FSTL5: variants seen among roughly 807,000 people sequenced by gnomAD.
FSTL5 encodes the protein follistatin like 5.
FSTL5 carries 62 observed loss-of-function variants against 89.1 expected under a neutral mutation model. That is an observed-to-expected ratio of 0.70 (90% CI 0.57 to 0.86). The LOEUF (loss-of-function observed/expected upper bound fraction) is 0.86, where lower values mean the gene tolerates loss of function less well. Among genes scored for constraint, FSTL5 ranks in the 40% least tolerant of loss-of-function variants. The probability of loss-of-function intolerance (pLI) is 0.00; values close to 1 mark genes in which losing one functional copy is unlikely to be tolerated. For missense variants in FSTL5, 1,057 were observed against 1,001.6 expected, an observed-to-expected ratio of 1.06 and a Z score of -0.75; for synonymous variants, 383 against 346.2, an observed-to-expected ratio of 1.11 and a Z score of -1.18.
At chr4:161,577,121 G>A (rs1733239721) in intron 8 of FSTL5, among the ~76,000 whole-genome samples, 2 of 152,072 alleles carry the variant, frequency 1.3e-5, no homozygotes, top group South Asian at 4.1e-4. Context: ...GTGAGTATTT[G>A]CCATGTTTTT....
intron 7 of FSTL5, among the ~76,000 whole-genome samples, chr4:161,640,430 A>G (rs898247054): frequency 6.6e-6 from 1 of 152,176 alleles, no homozygotes; most frequent in Non-Finnish European, 1.5e-5. Context: ...ACGTGAAGAA[A>G]AGCATGTATA....
At chr4:161,530,707 T>C (rs1256463971) in intron 10 of FSTL5, among the ~76,000 whole-genome samples, 1 of 152,114 alleles carries the variant, frequency 6.6e-6, no homozygotes, top group Non-Finnish European at 1.5e-5. Context: ...TCTGATACTC[T>C]CAAACAGCTG....
chr4:161,670,689 T>G (rs917793863), intron 6 of FSTL5, among the ~76,000 whole-genome samples: 1 of 152,208 alleles, frequency 6.6e-6, no homozygotes, highest in African/African-American at 2.4e-5. Context: ...TTACAGTGAG[T>G]GTCCCTTTAG....
intron 3 of FSTL5, among the ~76,000 whole-genome samples, chr4:161,954,031 C>T (rs1266205345): frequency 6.6e-6 from 1 of 151,470 alleles, no homozygotes; most frequent in Non-Finnish European, 1.5e-5. Context: ...ATTCATTATT[C>T]AACAAAGTAT....
intron 8 of FSTL5, among the ~76,000 whole-genome samples, chr4:161,570,301 T>A (rs1732961510): frequency 6.6e-6 from 1 of 152,088 alleles, no homozygotes; most frequent in Admixed American, 6.6e-5. Flanking sequence ...TTGAAAGAGT[T>A]TGAAACTGAG....
chr4:161,864,527 G>A (rs1732015479), intron 4 of FSTL5, among the ~76,000 whole-genome samples: 1 of 152,136 alleles, frequency 6.6e-6, no homozygotes, highest in Non-Finnish European at 1.5e-5. Context: ...CAAGCTAAAT[G>A]TAGTGGGAAA....
chr4:161,682,285 T>C lies in FSTL5; in HGVS notation c.728-25791A>G, dbSNP rs150877153. On this transcript the variant is annotated intron_variant, in intron 6 of 15. Coordinates refer to ENST00000306100, the MANE Select transcript of FSTL5 (RefSeq NM_020116.5). Reference sequence around the variant, plus strand: ...TACCATAGATTTTATAACCGCTGTATACTTAGGTTACACAAAGTTAATTAA... The same window carrying C: ...TACCATAGATTTTATAACCGCTGTACACTTAGGTTACACAAAGTTAATTAA... 5.9e-3 allele frequency among the ~76,000 whole-genome samples: 903 copies of C among 152,280 alleles called. 11 individuals are homozygous for C. The highest frequency in any genetic ancestry group is 0.046 in the South Asian group (224 of 4,824).
chr4:161,659,471 A>T (rs1736634000), intron 6 of FSTL5, among the ~76,000 whole-genome samples: 1 of 152,194 alleles, frequency 6.6e-6, no homozygotes, highest in Non-Finnish European at 1.5e-5. Context: ...ATTAAGAAGC[A>T]CAGATTAGCA....
At chr4:161,557,532 T>C (rs574525710) in intron 8 of FSTL5, among the ~76,000 whole-genome samples, 25 of 151,690 alleles carry the variant, frequency 1.6e-4, no homozygotes, top group Non-Finnish European at 2.1e-4. Flanking sequence ...CACAGCAATA[T>C]AGCATTATCT....
Position 161,923,843 on chromosome 4 carries a change from A to G in FSTL5, c.161-3191T>C, listed in dbSNP as rs148162685. Among the ~76,000 whole-genome samples the G allele has an allele frequency of 4.6e-5, 7 of 151,958 alleles. 1 individual carries two copies. The East Asian group carries it at 1.2e-3, about 25-fold the overall frequency. ...TATATTAGGATATTTTCCATTTTGT[A>G]GAAGTTAATGAACTATTTTACACTA... On this transcript the variant is annotated intron_variant, in intron 3 of 15. Coordinates refer to ENST00000306100, the MANE Select transcript of FSTL5 (RefSeq NM_020116.5).
rs4356872 is a variant in FSTL5, at chr4:161,561,501, T to G, written c.1016-18808A>C. On this transcript the variant is annotated intron_variant, in intron 8 of 15. Coordinates refer to ENST00000306100, the MANE Select transcript of FSTL5 (RefSeq NM_020116.5). ...TAATTGGCTCTGGGTTATTTTTTGG[T>G]TTGGTGAAAATGTTATCGAGTTAAG... 5.9e-5 allele frequency among the ~76,000 whole-genome samples: 9 copies of G among 151,706 alleles called. No individual in the cohort carries two copies. The South Asian group carries it at 1.2e-3, about 21-fold the overall frequency.
At chr4:161,556,828 A>ATGTGTGTG (rs150645678) in intron 8 of FSTL5, among the ~76,000 whole-genome samples, 1 of 147,464 alleles carries the variant, frequency 6.8e-6, no homozygotes, top group African/African-American at 2.5e-5. Flanking sequence ...TTATATATAT[A>ATGTGTGTG]TGTGTGTGTG....
At chr4:161,398,040 C>G (rs1731063952) in intron 15 of FSTL5, among the ~76,000 whole-genome samples, 1 of 151,982 alleles carries the variant, frequency 6.6e-6, no homozygotes, top group South Asian at 2.1e-4. Flanking sequence ...AATATAATCT[C>G]TCATATAGTA....
chr4:161,813,053 GTC>G (rs1730209662), intron 4 of FSTL5, among the ~76,000 whole-genome samples: 1 of 149,052 alleles, frequency 6.7e-6, no homozygotes, highest in Non-Finnish European at 1.5e-5. Flanking sequence ...TTGAGGCAGA[GTC>G]TCGCGCTGTT....
chr4:161,422,839 C>T (rs1188671904), intron 15 of FSTL5, among the ~76,000 whole-genome samples: 1 of 152,034 alleles, frequency 6.6e-6, no homozygotes, highest in African/African-American at 2.4e-5. Flanking sequence ...TGGAATGGGC[C>T]TATGGACCGA....
chr4:161,882,722 T>G (rs1732672157), intron 4 of FSTL5, among the ~76,000 whole-genome samples: 1 of 152,158 alleles, frequency 6.6e-6, no homozygotes, highest in African/African-American at 2.4e-5. Context: ...ACATATTTTA[T>G]CTGCATTTTT....
chr4:161,755,024 G>T (rs924855681), intron 6 of FSTL5, among the ~76,000 whole-genome samples: 1 of 151,870 alleles, frequency 6.6e-6, no homozygotes, highest in Non-Finnish European at 1.5e-5. Context: ...CAAAATCCAG[G>T]GTGAAGGATG....
intron 10 of FSTL5, among the ~76,000 whole-genome samples, chr4:161,526,292 G>A (rs529848620): frequency 1.1e-4 from 16 of 152,224 alleles, no homozygotes; most frequent in African/African-American, 3.6e-4. Flanking sequence ...GGGCATATTT[G>A]AGATAAAAGT....
At chr4:161,451,164 C>T (rs1025765741) in intron 15 of FSTL5, among the ~76,000 whole-genome samples, 26 of 150,888 alleles carry the variant, frequency 1.7e-4, no homozygotes, top group East Asian at 5.9e-4. Context: ...TATGTCATTC[C>T]AAAATATACT....
Sources: gnomAD v4.1 joint callset for allele counts (sites outside exome capture counted in the v4.1 genomes callset) on GRCh38, gnomAD v4.1.1 for gene constraint, MANE v1.5 for transcripts, NCBI Gene and HGNC (gene_info 2026-07-23, HGNC 2026-07-21) for gene names.